Variants in EXT2 observed in about 807,000 individuals in gnomAD.
EXT2 encodes exostosin glycosyltransferase 2.
Under a neutral mutation model 81.6 loss-of-function variants are expected in EXT2, and 53 were observed. That is an observed-to-expected ratio of 0.65 (90% confidence interval 0.52 to 0.82). EXT2 has a LOEUF of 0.82. EXT2 is among the 40% of genes least tolerant of loss of function. The pLI, the probability that EXT2 is intolerant of heterozygous loss-of-function variation, is 0.00. For synonymous variants in EXT2, 320 were observed against 340.0 expected (o/e 0.94, Z 0.65); for missense variants, 774 against 910.2 (o/e 0.85, Z 1.93).
chr11:44,243,618 C>CTTTTTTTTTTTTTTTTTTTTTT (rs1215047805), intron 13 of EXT2, among the ~76,000 whole-genome samples: 3 of 72,904 alleles, frequency 4.1e-5, no homozygotes, highest in Admixed American at 1.6e-4. Context: ...GCCCTGTCAC[C>CTTTTTTTTTTTTTTTTTTTTTT]TTTTTTTTTT....
rs1191424139 is a variant in EXT2 at position 44,233,788 on chromosome 11, G to T, written c.1807-327G>T. Among the ~76,000 whole-genome samples the T allele has an allele frequency of 3.3e-5, 5 of 152,096 alleles. No homozygotes were observed. In the East Asian group the frequency reaches 7.7e-4, roughly 23 times the overall value. ...AAAAACTAAGGTTTACAATTCATGGGATTTACAGTAGTAGACTATGTATGC... is the reference window on the plus strand; with the variant it reads ...AAAAACTAAGGTTTACAATTCATGGTATTTACAGTAGTAGACTATGTATGC... On this transcript the variant is annotated intron_variant, in intron 11 of 13. Transcript: ENST00000533608.
At chr11:44,230,920 G>A (rs915849951) in intron 10 of EXT2, among the ~76,000 whole-genome samples, 1 of 152,176 alleles carries the variant, frequency 6.6e-6, no homozygotes, top group African/African-American at 2.4e-5. Flanking sequence ...AGCAACACTT[G>A]TGTGTTGGGG....
At chr11:44,228,489 C>A (rs923245316) in intron 10 of EXT2, among the ~76,000 whole-genome samples, 2 of 152,142 alleles carry the variant, frequency 1.3e-5, no homozygotes, top group African/African-American at 4.8e-5. Context: ...TAATCGACTT[C>A]GTACTACACT....
Position 44,201,826 on chromosome 11 carries a change from A to G in EXT2, c.1495+3808A>G, listed in dbSNP as rs531147683. Among the ~76,000 whole-genome samples the G allele has an allele frequency of 2.6e-5, 4 of 152,300 alleles. 1 individual carries two copies. Among genetic ancestry groups the G allele is most frequent in the African/African-American group, 4.8e-5 (2 of 41,568 alleles). On this transcript the variant is annotated intron_variant, in intron 9 of 13. Transcript: ENST00000533608. ...TAATTTTTTTAAAGGTTACCTTTCC[A>G]GAATCAAAATTCCATATCAGGATTA...
intron 4 of EXT2, among the ~76,000 whole-genome samples, chr11:44,122,967 G>A (rs1009907995): frequency 6.6e-6 from 1 of 152,138 alleles, no homozygotes; most frequent in Non-Finnish European, 1.5e-5. Context: ...GAGTCTGCTG[G>A]TTCCTTTTTT....
At chr11:44,231,820 T>C (rs1233249496) in intron 10 of EXT2, among the ~76,000 whole-genome samples, 1 of 152,192 alleles carries the variant, frequency 6.6e-6, no homozygotes, top group African/African-American at 2.4e-5. Context: ...CAAGTATTTG[T>C]TTTCATTGTT....
chr11:44,163,074 C>G (rs897456756), intron 7 of EXT2, among the ~76,000 whole-genome samples: 1 of 152,114 alleles, frequency 6.6e-6, no homozygotes, highest in African/African-American at 2.4e-5. Context: ...AAAGGGATAT[C>G]AGATATTTGT....
chr11:44,211,600 G>A (rs1176900350), intron 10 of EXT2, among the ~76,000 whole-genome samples: 3 of 152,166 alleles, frequency 2.0e-5, no homozygotes, highest in Non-Finnish European at 4.4e-5. Flanking sequence ...AGAGTAGAAT[G>A]GTGGTTACCA....
intron 8 of EXT2, among the ~76,000 whole-genome samples, chr11:44,186,860 A>G (rs1590631267): frequency 1.3e-5 from 2 of 152,194 alleles, no homozygotes; most frequent in Admixed American, 1.3e-4. Flanking sequence ...ACAATTAGCA[A>G]CTGATTATTT....
chr11:44,142,203 A>G (rs892124111), intron 7 of EXT2, among the ~76,000 whole-genome samples: 26 of 152,206 alleles, frequency 1.7e-4, no homozygotes, highest in African/African-American at 6.3e-4. Flanking sequence ...TGTCTCCTTA[A>G]GCATTGCAGA....
chr11:44,171,714 A>G lies in EXT2; in HGVS notation c.1277A>G (p.Tyr426Cys), dbSNP rs781283626. ...DRIYPYAAIS[Y>C]EEWNDPPAVK... is the part of the protein sequence containing the mutation. ...ATCTATCCATATGCTGCCATCTCCT[A>G]TGAAGAATGGAATGACCCTCCTGCT... Residue 426 changes from tyrosine (Y) to cysteine (C), a missense_variant, in exon 8 of 14, where the codon TAT (tyrosine) becomes TGT (cysteine). Coordinates refer to ENST00000533608, the MANE Select transcript of EXT2 (RefSeq NM_207122.2). The G allele has an allele frequency of 1.5e-5, 25 of 1,613,946 alleles. No homozygotes were observed. Among genetic ancestry groups the G allele is most frequent in the East Asian group, 4.5e-5 (2 of 44,896 alleles).
At position 44,107,783 on chromosome 11, in the gene EXT2, T is replaced by G; in HGVS notation, c.71T>G (p.Ile24Ser). 2.5e-6 allele frequency: 4 copies of G among 1,614,194 alleles called. No individual in the cohort carries two copies. The highest frequency in any genetic ancestry group is 3.4e-6 in the Non-Finnish European group (4 of 1,180,038). Residue 24 changes from isoleucine (I) to serine (S), a missense_variant, in exon 2 of 14, where the codon ATC becomes AGC. Physicochemically the swap from Ile to Ser is moderately radical, Grantham distance 142. Transcript: ENST00000533608. ...LIPRMKTKHR[I>S]YYITLFSIVL... ...CCAAGAATGAAGACCAAGCACCGAATCTACTATATCACCCTCTTCTCCATT... is the reference window on the plus strand; with the variant it reads ...CCAAGAATGAAGACCAAGCACCGAAGCTACTATATCACCCTCTTCTCCATT...
chr11:44,110,250 A>C (rs1954123950), intron 3 of EXT2, among the ~76,000 whole-genome samples: 1 of 152,220 alleles, frequency 6.6e-6, no homozygotes, highest in Non-Finnish European at 1.5e-5. Flanking sequence ...TTTTCCCCAG[A>C]AGATTAAATC....
intron 7 of EXT2, among the ~76,000 whole-genome samples, chr11:44,136,144 C>T (rs1954563095): frequency 6.6e-6 from 1 of 152,056 alleles, no homozygotes. Flanking sequence ...CCTTAGCAAC[C>T]CAGACTGATG....
intron 8 of EXT2, among the ~76,000 whole-genome samples, chr11:44,185,912 A>G (rs1318481556): frequency 6.6e-6 from 1 of 152,232 alleles, no homozygotes; most frequent in African/African-American, 2.4e-5. Context: ...CATTTCAAGT[A>G]TGGGAGAATC....
At position 44,228,788 on chromosome 11, in the gene EXT2, G is replaced by A. The variant is rs185143115; in HGVS notation, c.1663-3565G>A. Among the ~76,000 whole-genome samples the A allele has an allele frequency of 9.5e-4, 145 of 152,258 alleles. 2 individuals are homozygous for A. The Middle Eastern group carries it at 0.017, about 18-fold the overall frequency. On this transcript the variant is annotated intron_variant, in intron 10 of 13. Transcript: ENST00000533608. ...GAGAGGAGTCTGATAAGTGATTTCA[G>A]CCAACAGTAAGAGGACCGAAATCTT...
At chr11:44,157,144 G>T (rs1279968291) in intron 7 of EXT2, among the ~76,000 whole-genome samples, 1 of 152,226 alleles carries the variant, frequency 6.6e-6, no homozygotes, top group African/African-American at 2.4e-5. Context: ...AGGCAGTCCT[G>T]TGGTCACCGC....
At chr11:44,194,907 A>G (rs926287693) in intron 8 of EXT2, among the ~76,000 whole-genome samples, 2 of 152,222 alleles carry the variant, frequency 1.3e-5, no homozygotes, top group Admixed American at 6.5e-5. Flanking sequence ...CACATAGACC[A>G]TGAACGGTCC....
At chr11:44,217,516 T>C (rs1321445857) in intron 10 of EXT2, among the ~76,000 whole-genome samples, 1 of 152,218 alleles carries the variant, frequency 6.6e-6, no homozygotes, top group Non-Finnish European at 1.5e-5. Context: ...CTGACTTGTT[T>C]GACAAGCTCT....
Sources: allele counts gnomAD v4.1 joint callset (sites outside exome capture counted in the v4.1 genomes callset), GRCh38; gene constraint gnomAD v4.1.1; transcripts MANE v1.5; gene names NCBI Gene and HGNC (gene_info 2026-07-23, HGNC 2026-07-21).